RNF220: variants seen among roughly 807,000 people sequenced by gnomAD.
RNF220 encodes ring finger protein 220.
A neutral mutation model predicts 67.1 loss-of-function variants in RNF220; 7 were observed. That is an observed-to-expected ratio of 0.10 (90% CI 0.06 to 0.20). The LOEUF (loss-of-function observed/expected upper bound fraction) is 0.20. Ranked by LOEUF, RNF220 falls within the 10% of genes least tolerant of loss-of-function variation. RNF220 has a pLI of 1.00. For synonymous variants in RNF220, 270 were observed against 283.2 expected (o/e 0.95, Z 0.47); for missense variants, 565 against 740.3 (o/e 0.76, Z 2.75).
At chr1:44,501,651 A>G (rs68002039) in intron 2 of RNF220, among the ~76,000 whole-genome samples, 28,197 of 151,982 alleles carry the variant, frequency 0.19, 3,467 homozygotes, top group East Asian at 0.51. Context: ...TTAAGCCAGG[A>G]AAGAATGAAG....
Position 44,412,815 on chromosome 1 carries a change from T to A in RNF220, c.625+93T>A. 2 of 1,430,980 alleles carry A rather than the reference T, an allele frequency of 1.4e-6. No individual in the cohort carries two copies. Among genetic ancestry groups the A allele is most frequent in the Non-Finnish European group, 1.9e-6 (2 of 1,050,860 alleles). 88.6% of individuals were successfully genotyped at this position (1,430,980 alleles called of 1,614,324 possible). ...TCGGTGGCGTTTTGCATGCTCCTAGTAATAGGAAGGGCCAACTACTTCCCT... is the reference window on the plus strand; with the variant it reads ...TCGGTGGCGTTTTGCATGCTCCTAGAAATAGGAAGGGCCAACTACTTCCCT... On this transcript the variant is annotated intron_variant, in intron 2 of 14. Transcript: ENST00000361799. This position sits in a 1 kb window ranked among gnomAD's most constrained non-coding sequence, Gnocchi z 5.3.
chr1:44,467,174 A>C (rs770674197), intron 2 of RNF220, among the ~76,000 whole-genome samples: 8 of 151,760 alleles, frequency 5.3e-5, no homozygotes, highest in Non-Finnish European at 1.0e-4. Context: ...CTTTCCTTAA[A>C]CGTCATGAGG....
chr1:44,579,818 C>T (rs544129603), intron 2 of RNF220, among the ~76,000 whole-genome samples: 1 of 151,640 alleles, frequency 6.6e-6, no homozygotes, highest in Non-Finnish European at 1.5e-5. Context: ...TGCTTGAGTC[C>T]AGGAGTTTGA....
intron 2 of RNF220, among the ~76,000 whole-genome samples, chr1:44,499,635 C>T (rs1431782493): frequency 1.3e-5 from 2 of 152,120 alleles, no homozygotes; most frequent in African/African-American, 4.8e-5. Context: ...TTTATCCGCA[C>T]TACCTTCCCA....
intron 7 of RNF220, 179 bp from the exon 8 acceptor site, chr1:44,635,851 A>G: frequency 1.5e-6 from 2 of 1,327,436 alleles, no homozygotes; most frequent in Non-Finnish European, 2.1e-6. Context: ...TCCAGCGGAA[A>G]ACTATTGGGA....
At chr1:44,604,548 C>A (rs1427339988) in intron 2 of RNF220, among the ~76,000 whole-genome samples, 1 of 152,246 alleles carries the variant, frequency 6.6e-6, no homozygotes, top group Non-Finnish European at 1.5e-5. Flanking sequence ...GGAGCAAAGG[C>A]TCATGGGGTC....
chr1:44,525,504 G>A (rs1425653381), intron 2 of RNF220, among the ~76,000 whole-genome samples: 1 of 152,184 alleles, frequency 6.6e-6, no homozygotes. Context: ...AACTGTGCCA[G>A]GTGCCTGTTT....
intron 2 of RNF220, among the ~76,000 whole-genome samples, chr1:44,591,004 C>T (rs1408135100): frequency 6.6e-6 from 1 of 152,174 alleles, no homozygotes; most frequent in Non-Finnish European, 1.5e-5. Flanking sequence ...TCTTATCACC[C>T]AGGCTGGAGT....
At chr1:44,615,311 G>A (rs540111747) in intron 3 of RNF220, among the ~76,000 whole-genome samples, 4 of 152,306 alleles carry the variant, frequency 2.6e-5, no homozygotes, top group Admixed American at 2.6e-4. Flanking sequence ...TCTATTGATT[G>A]AGGCAGTATT....
At chr1:44,630,124 G>A (rs1316102865) in intron 5 of RNF220, among the ~76,000 whole-genome samples, 1 of 152,210 alleles carries the variant, frequency 6.6e-6, no homozygotes, top group Non-Finnish European at 1.5e-5. Context: ...TTTTCATAGA[G>A]ACAGGGTCTC....
intron 2 of RNF220, among the ~76,000 whole-genome samples, chr1:44,597,778 G>A (rs986787881): frequency 6.6e-6 from 1 of 151,848 alleles, no homozygotes; most frequent in Non-Finnish European, 1.5e-5. Context: ...ACACTTCTTG[G>A]TCTTTCTCAC....
rs999695860 is a variant in RNF220, at chr1:44,467,361, G to A, written c.625+54639G>A. Among the ~76,000 whole-genome samples, 107 of 152,284 alleles carry A rather than the reference G, an allele frequency of 7.0e-4. 1 individual carries two copies. The highest frequency in any genetic ancestry group is 4.5e-3 in the Admixed American group (69 of 15,296). ...CGAGTAGCTGGGATTACAGGCATGC[G>A]CCACCACGCCCAGCTAATTTTGTAT... is the stretch of plus-strand genomic sequence containing the variant. On this transcript the variant is annotated intron_variant, in intron 2 of 14. Transcript: ENST00000361799.
intron 2 of RNF220, among the ~76,000 whole-genome samples, chr1:44,440,404 C>T (rs1237167942): frequency 6.6e-6 from 1 of 152,122 alleles, no homozygotes; most frequent in East Asian, 1.9e-4. Flanking sequence ...GAGGACATGG[C>T]AAAGAATGGA....
chr1:44,522,838 A>G (rs1393216542), intron 2 of RNF220, among the ~76,000 whole-genome samples: 1 of 152,218 alleles, frequency 6.6e-6, no homozygotes, highest in Admixed American at 6.5e-5. Context: ...TGGTACATAC[A>G]TTCCACTAAT....
intron 2 of RNF220, among the ~76,000 whole-genome samples, chr1:44,463,153 A>T (rs998577991): frequency 3.3e-5 from 5 of 152,108 alleles, no homozygotes; most frequent in Admixed American, 6.5e-5. Flanking sequence ...CCTGACCAAC[A>T]TGGAGAAACC....
chr1:44,552,254 C>T (rs1158362775), intron 2 of RNF220, among the ~76,000 whole-genome samples: 1 of 152,206 alleles, frequency 6.6e-6, no homozygotes, highest in South Asian at 2.1e-4. Flanking sequence ...TGTGGCGGCT[C>T]GTGCCTGTAA....
intron 2 of RNF220, chr1:44,573,024 G>A (rs1664555641): frequency 2.5e-6 from 1 of 392,864 alleles, no homozygotes; most frequent in African/African-American, 2.1e-5. Context: ...CAGGAGAACT[G>A]AAGAGAAAGA....
intron 2 of RNF220, among the ~76,000 whole-genome samples, chr1:44,439,271 T>G (rs1249429120): frequency 6.6e-6 from 1 of 152,194 alleles, no homozygotes; most frequent in African/African-American, 2.4e-5. Context: ...TCTTATTTAT[T>G]TAATCTGTAT....
At chr1:44,447,933 C>T (rs1018351640) in intron 2 of RNF220, among the ~76,000 whole-genome samples, 1 of 152,144 alleles carries the variant, frequency 6.6e-6, no homozygotes, top group Non-Finnish European at 1.5e-5. Context: ...CTTTGCGCGT[C>T]GCTTAGCTAC....
Sources: allele counts gnomAD v4.1 joint callset (sites outside exome capture counted in the v4.1 genomes callset), GRCh38; gene constraint gnomAD v4.1.1; non-coding constraint Gnocchi (gnomAD v3.1); transcripts MANE v1.5; gene names NCBI Gene and HGNC (gene_info 2026-07-23, HGNC 2026-07-21).